The following LRRC28 variants were observed in gnomAD, a reference collection of about 807,000 sequenced individuals.
LRRC28 encodes the protein leucine rich repeat containing 28.
In LRRC28, 39 loss-of-function variants were observed where a neutral mutation model predicts 45.7. The ratio of observed to expected loss-of-function variants is 0.85; its 90% CI spans 0.66 to 1.12. The LOEUF (loss-of-function observed/expected upper bound fraction) is 1.12. Among genes scored for constraint, LRRC28 ranks in the 50% most tolerant of loss-of-function variants. The pLI is 0.00. For synonymous variants in LRRC28, 206 were observed against 178.8 expected, an observed-to-expected ratio of 1.15 and a Z score of -1.22; for missense variants, 435 against 438.5, an observed-to-expected ratio of 0.99 and a Z score of 0.07.
chr15:99,351,232 G>T (rs901859787), intron 6 of LRRC28, among the ~76,000 whole-genome samples: 12 of 152,170 alleles, frequency 7.9e-5, no homozygotes, highest in Non-Finnish European at 1.6e-4. Context: ...AGGAGAGCTG[G>T]TCGGACATTC....
chr15:99,338,959 T>TA (rs1424656861), intron 6 of LRRC28, among the ~76,000 whole-genome samples: 2 of 152,154 alleles, frequency 1.3e-5, no homozygotes, highest in Non-Finnish European at 2.9e-5. Context: ...ATTCTACAGA[T>TA]AGAAGCTTTG....
chr15:99,266,398 C>A (rs2081333606), intron 2 of LRRC28, among the ~76,000 whole-genome samples: 1 of 151,990 alleles, frequency 6.6e-6, no homozygotes, highest in Non-Finnish European at 1.5e-5. Context: ...ATACCAGCTA[C>A]TTGGCTGAGA....
rs762228348 is a variant in LRRC28 at position 99,352,418 on chromosome 15, T to G, written c.642T>G (p.Ile214Met). 9.9e-6 allele frequency: 16 copies of G among 1,614,076 alleles called. No individual in the cohort carries two copies. The South Asian group carries it at 1.6e-4, about 17-fold the overall frequency. ...ELQYVYVDNN[I>M]HLKGLPSYLY... ...AGTATGTATACGTGGATAACAACAT[T>G]CACCTGAAAGGCTTGCCATCTTATC... The change falls in exon 7 of 10, where the codon ATT becomes ATG. Residue 214 changes from isoleucine to methionine, a missense_variant. By Grantham distance (10) the Ile-to-Met change is conservative. Coordinates refer to ENST00000301981, the MANE Select transcript of LRRC28 (RefSeq NM_144598.5).
Position 99,386,361 on chromosome 15 carries a change from G to C in LRRC28, c.*259G>C, listed in dbSNP as rs371134191. 1.6e-4 allele frequency: 60 copies of C among 385,250 alleles called. No homozygotes were observed. Among genetic ancestry groups the C allele is most frequent in the Middle Eastern group, 7.1e-4 (1 of 1,400 alleles). 23.9% of individuals were successfully genotyped at this position (385,250 alleles called of 1,614,324 possible). A position where few individuals can be genotyped will look rare whatever the true frequency, so the allele number is the denominator to read the frequency against. On this transcript the variant is annotated 3_prime_UTR_variant, in exon 10 of 10. Transcript: ENST00000301981. ...GTCTTTTACAGAAACCATTTAGATTGATGGGCCTCCCCAAATCTAATTTAA... is the reference window on the plus strand; with the variant it reads ...GTCTTTTACAGAAACCATTTAGATTCATGGGCCTCCCCAAATCTAATTTAA...
At chr15:99,365,276 A>G (rs1957309395) in intron 9 of LRRC28, among the ~76,000 whole-genome samples, 1 of 152,254 alleles carries the variant, frequency 6.6e-6, no homozygotes, top group Non-Finnish European at 1.5e-5. Flanking sequence ...CATAAATATT[A>G]TTAATTTCAT....
At chr15:99,305,110 C>G (rs2152252145) in intron 5 of LRRC28, among the ~76,000 whole-genome samples, 1 of 152,128 alleles carries the variant, frequency 6.6e-6, no homozygotes, top group East Asian at 1.9e-4. Flanking sequence ...GTCAGATCAG[C>G]TAGGTGCCTT....
Position 99,361,347 on chromosome 15 carries a change from C to T in LRRC28, c.707C>T (p.Pro236Leu). The T allele has an allele frequency of 6.2e-7, 1 of 1,612,506 alleles. No individual in the cohort carries two copies. The highest frequency in any genetic ancestry group is 2.2e-5 in the East Asian group (1 of 44,856). The change falls in exon 8 of 10, where the codon CCC becomes CTC. Residue 236 changes from proline (P) to leucine (L), a missense_variant. Pro to Leu is a moderately conservative substitution (Grantham distance 98). Transcript: ENST00000301981. ...KVIGCSGCGA[P>L]IQVSEVKLLS... ...GTGTCTTTCTGCAGCTGTGGTGCTC[C>T]CATTCAAGTTTCCGAGGTGAAGCTG...
At chr15:99,359,962 C>T (rs745534180) in intron 7 of LRRC28, among the ~76,000 whole-genome samples, 10 of 152,182 alleles carry the variant, frequency 6.6e-5, no homozygotes, top group Non-Finnish European at 1.2e-4. Context: ...TTCCCCATTT[C>T]TGTTTCCTTC....
intron 9 of LRRC28, among the ~76,000 whole-genome samples, chr15:99,376,552 T>C (rs758245654): frequency 6.6e-6 from 1 of 152,220 alleles, no homozygotes; most frequent in African/African-American, 2.4e-5. Flanking sequence ...AAATTTTTTA[T>C]ACTGTAAGTT....
intron 7 of LRRC28, among the ~76,000 whole-genome samples, chr15:99,360,818 T>C (rs1392442153): frequency 6.6e-6 from 1 of 152,224 alleles, no homozygotes; most frequent in African/African-American, 2.4e-5. Flanking sequence ...CTTGGCTTAT[T>C]GAGTATGCCA....
At chr15:99,280,330 G>A (rs796837973) in intron 3 of LRRC28, among the ~76,000 whole-genome samples, 2 of 151,836 alleles carry the variant, frequency 1.3e-5, no homozygotes, top group African/African-American at 4.8e-5. Context: ...TTGCTTTGAT[G>A]TGTCATGCTT....
chr15:99,337,148 C>T (rs970722661), intron 6 of LRRC28, among the ~76,000 whole-genome samples: 2 of 152,256 alleles, frequency 1.3e-5, no homozygotes, highest in African/African-American at 2.4e-5. Flanking sequence ...TTAGCCCTGG[C>T]TCCTCATTCC....
chr15:99,377,901 T>C (rs1957694014), intron 9 of LRRC28, among the ~76,000 whole-genome samples: 2 of 152,214 alleles, frequency 1.3e-5, no homozygotes. Context: ...CATTGGTCTA[T>C]AGCTCTGTTT....
chr15:99,370,803 A>AATACATGC (rs1957463991), intron 9 of LRRC28, among the ~76,000 whole-genome samples: 1 of 152,218 alleles, frequency 6.6e-6, no homozygotes, highest in South Asian at 2.1e-4. Context: ...ATATATAGTA[A>AATACATGC]ATACATGCAC....
chr15:99,308,550 TA>T (rs1203784497), intron 5 of LRRC28, among the ~76,000 whole-genome samples: 2 of 152,158 alleles, frequency 1.3e-5, no homozygotes, highest in Admixed American at 1.3e-4. Context: ...CACGTGCCTG[TA>T]GTCCCAACTG....
intron 5 of LRRC28, among the ~76,000 whole-genome samples, chr15:99,331,057 C>T (rs552499858): frequency 6.6e-6 from 1 of 152,166 alleles, no homozygotes; most frequent in South Asian, 2.1e-4. Flanking sequence ...TAATATTTCT[C>T]ATCAAAATTT....
chr15:99,256,532 C>T (rs2081026498), intron 2 of LRRC28, among the ~76,000 whole-genome samples: 1 of 152,188 alleles, frequency 6.6e-6, no homozygotes, highest in Non-Finnish European at 1.5e-5. Flanking sequence ...TTTTGAGGTA[C>T]AGGCATTAAA....
intron 5 of LRRC28, among the ~76,000 whole-genome samples, chr15:99,329,853 T>C (rs925062710): frequency 3.3e-5 from 5 of 152,244 alleles, no homozygotes; most frequent in African/African-American, 1.2e-4. Flanking sequence ...CATAGTGGTA[T>C]GCGTGTATGC....
At chr15:99,284,748 CCCTT>C (rs2081910914) in intron 3 of LRRC28, 2 of 524,962 alleles carry the variant, frequency 3.8e-6, no homozygotes, top group Admixed American at 3.9e-5. Flanking sequence ...CCATTGTCCT[CCCTT>C]CATGGGTTCA....
Sources: allele counts gnomAD v4.1 joint callset (sites outside exome capture counted in the v4.1 genomes callset), GRCh38; gene constraint gnomAD v4.1.1; transcripts MANE v1.5; gene names NCBI Gene and HGNC (gene_info 2026-07-23, HGNC 2026-07-21).